The following KCNK13 variants were observed in gnomAD, a reference collection of about 807,000 sequenced individuals.
KCNK13 encodes potassium two pore domain channel subfamily K member 13.
KCNK13 carries 12 observed loss-of-function variants against 23.4 expected under a neutral mutation model. The observed-to-expected ratio is 0.51, with a 90% CI of 0.33 to 0.83. The LOEUF is 0.83. KCNK13 is among the 40% of genes least tolerant of loss of function. KCNK13 has a pLI of 0.02. For missense variants in KCNK13, 463 were observed against 556.3 expected (o/e 0.83, Z 1.69); for synonymous variants, 231 against 229.5 (o/e 1.01, Z -0.06).
intron 1 of KCNK13, among the ~76,000 whole-genome samples, chr14:90,151,563 T>C (rs1319604700): frequency 3.3e-5 from 5 of 152,234 alleles, no homozygotes; most frequent in Admixed American, 2.6e-4. Context: ...TAGAAATATT[T>C]TCTCTCATTG....
intron 1 of KCNK13, among the ~76,000 whole-genome samples, chr14:90,171,901 A>G (rs1406046367): frequency 6.6e-6 from 1 of 152,210 alleles, no homozygotes. Flanking sequence ...TCACATGATG[A>G]ACACAAACAT....
intron 1 of KCNK13, among the ~76,000 whole-genome samples, chr14:90,094,219 T>A (rs1029200685): frequency 1.3e-5 from 2 of 152,206 alleles, no homozygotes; most frequent in African/African-American, 4.8e-5. Flanking sequence ...TCCCATCTGC[T>A]TTGACTATAA....
rs550669354 is a variant in KCNK13 at position 90,094,741 on chromosome 14, G to A, written c.334+32202G>A. Reference sequence around the variant, plus strand: ...CGGCTCACTGCAAGCTCCGCCTCCCGGGTTCACGCCATTCTCCTTCCTCAG... The same window carrying A: ...CGGCTCACTGCAAGCTCCGCCTCCCAGGTTCACGCCATTCTCCTTCCTCAG... On this transcript the variant is annotated intron_variant, in intron 1 of 1. Transcript: ENST00000282146. Among the ~76,000 whole-genome samples the A allele has an allele frequency of 5.2e-4, 73 of 141,068 alleles. 1 individual carries two copies. The highest frequency in any genetic ancestry group is 1.6e-3 in the African/African-American group (61 of 37,198). 92.5% of individuals were successfully genotyped at this position (141,068 alleles called of 152,430 possible).
chr14:90,102,661 C>G (rs1431451830), intron 1 of KCNK13, among the ~76,000 whole-genome samples: 1 of 152,176 alleles, frequency 6.6e-6, no homozygotes, highest in Non-Finnish European at 1.5e-5. Context: ...CGCAGAGCTT[C>G]TCAGTCAGTA....
chr14:90,183,994 G>C (rs1388201141), intron 1 of KCNK13, 117 bp from the exon 2 acceptor site: 6 of 892,772 alleles, frequency 6.7e-6, no homozygotes, highest in South Asian at 3.4e-5. Flanking sequence ...GAAAGACTAA[G>C]GCTGAGTGAT....
At chr14:90,159,385 C>T (rs755717344) in intron 1 of KCNK13, among the ~76,000 whole-genome samples, 2 of 152,232 alleles carry the variant, frequency 1.3e-5, no homozygotes, top group Non-Finnish European at 2.9e-5. Flanking sequence ...TGCCTGTCCT[C>T]TCTTTCCAGG....
intron 1 of KCNK13, among the ~76,000 whole-genome samples, chr14:90,142,452 GGGACTACA>G (rs975803337): frequency 3.3e-5 from 5 of 150,860 alleles, no homozygotes; most frequent in Admixed American, 2.0e-4. Context: ...CCAAGTAGCT[GGGACTACA>G]GGTGCCCGCC....
chr14:90,091,156 A>G (rs976965247), intron 1 of KCNK13, among the ~76,000 whole-genome samples: 1 of 152,170 alleles, frequency 6.6e-6, no homozygotes, highest in African/African-American at 2.4e-5. Flanking sequence ...GAATCTCAAG[A>G]AAGAGTTAGA....
chr14:90,139,523 C>A (rs754996959), intron 1 of KCNK13, among the ~76,000 whole-genome samples: 1 of 78,718 alleles, frequency 1.3e-5, no homozygotes, highest in Non-Finnish European at 3.7e-5. Context: ...TTTTGTACAG[C>A]GTGGTGCCGT....
At chr14:90,159,942 TA>T (rs1890234163) in intron 1 of KCNK13, among the ~76,000 whole-genome samples, 1 of 78,850 alleles carries the variant, frequency 1.3e-5, no homozygotes, top group Non-Finnish European at 2.7e-5. Context: ...CGTGTGTGTG[TA>T]GGGGTGTGTG....
At position 90,133,834 on chromosome 14, in the gene KCNK13, C is replaced by A. The variant is rs115424986; in HGVS notation, c.335-50277C>A. 7.7e-3 allele frequency among the ~76,000 whole-genome samples: 1,169 copies of A among 152,234 alleles called. 16 individuals are homozygous for A. Among genetic ancestry groups the A allele is most frequent in the African/African-American group, 0.027 (1,112 of 41,544 alleles). ...CCATGATCCCTCTCCTGGGGCCTCG[C>A]TATCCAAAAAACAGCTCCTCTAGAG... On this transcript the variant is annotated intron_variant, in intron 1 of 1. Coordinates refer to ENST00000282146, the MANE Select transcript of KCNK13 (RefSeq NM_022054.4).
intron 1 of KCNK13, among the ~76,000 whole-genome samples, chr14:90,117,687 C>A (rs1889692752): frequency 6.6e-6 from 1 of 152,144 alleles, no homozygotes; most frequent in Admixed American, 6.5e-5. Flanking sequence ...GAAAGCAAAA[C>A]CTTACGTAAG....
intron 1 of KCNK13, among the ~76,000 whole-genome samples, chr14:90,072,188 G>C (rs1193634568): frequency 6.6e-6 from 1 of 152,158 alleles, no homozygotes; most frequent in Non-Finnish European, 1.5e-5. Context: ...TACCTACTGC[G>C]TCTTCCTTTG....
intron 1 of KCNK13, among the ~76,000 whole-genome samples, chr14:90,135,691 C>T (rs962633246): frequency 2.6e-5 from 4 of 152,068 alleles, no homozygotes; most frequent in African/African-American, 2.4e-5. Flanking sequence ...GGAGGGTCTT[C>T]GGCTTGCTTT....
chr14:90,174,747 A>G (rs922228233), intron 1 of KCNK13, among the ~76,000 whole-genome samples: 10 of 152,036 alleles, frequency 6.6e-5, no homozygotes, highest in African/African-American at 2.4e-4. Context: ...CCAGCTACGT[A>G]GGAGGCTGAG....
chr14:90,167,777 C>G (rs1231047592), intron 1 of KCNK13, among the ~76,000 whole-genome samples: 1 of 152,128 alleles, frequency 6.6e-6, no homozygotes, highest in Admixed American at 6.6e-5. Context: ...ACCCCCACCC[C>G]CTGCCAATAA....
At chr14:90,178,231 C>CAAA (rs34726346) in intron 1 of KCNK13, among the ~76,000 whole-genome samples, 140 of 75,064 alleles carry the variant, frequency 1.9e-3, no homozygotes, top group Middle Eastern at 0.015. Context: ...TTCCTAAAAG[C>CAAA]AAAAAAAAAA....
chr14:90,179,693 C>CT (rs1461338338), intron 1 of KCNK13, among the ~76,000 whole-genome samples: 2 of 152,182 alleles, frequency 1.3e-5, no homozygotes, highest in Non-Finnish European at 2.9e-5. Flanking sequence ...TAACTTCAGG[C>CT]TTGAAGCACA....
At position 90,115,015 on chromosome 14, in the gene KCNK13, T is replaced by C. The variant is rs567030774; in HGVS notation, c.334+52476T>C. Among the ~76,000 whole-genome samples, 203 of 152,292 alleles carry C rather than the reference T, an allele frequency of 1.3e-3. 1 individual carries two copies. The highest frequency in any genetic ancestry group is 4.8e-3 in the African/African-American group (199 of 41,550). ...GGCAAAACCAGCTCTCTTGTTTGCA[T>C]TTAAATCCAAAGTCCGATCCAAATC... is the stretch of plus-strand genomic sequence containing the variant. On this transcript the variant is annotated intron_variant, in intron 1 of 1. Transcript: ENST00000282146.
Sources: allele counts gnomAD v4.1 joint callset (sites outside exome capture counted in the v4.1 genomes callset), GRCh38; gene constraint gnomAD v4.1.1; transcripts MANE v1.5; gene names NCBI Gene and HGNC (gene_info 2026-07-23, HGNC 2026-07-21).